The following OTOGL variants were observed in gnomAD, a reference collection of about 807,000 sequenced individuals.
OTOGL encodes otogelin like.
OTOGL carries 285 observed loss-of-function variants against 318.5 expected under a neutral mutation model. That is an observed-to-expected ratio of 0.89 (90% CI 0.81 to 0.99). The LOEUF (loss-of-function observed/expected upper bound fraction) is 0.99, where lower values mean the gene tolerates loss of function less well. Ranked by LOEUF, OTOGL falls within the 50% of genes least tolerant of loss-of-function variation. The probability of loss-of-function intolerance (pLI) is 0.00; values close to 1 mark genes in which losing one functional copy is unlikely to be tolerated. For synonymous variants in OTOGL, 987 were observed against 936.5 expected (o/e 1.05, Z -0.99); for missense variants, 2,899 against 2,845.6 (o/e 1.02, Z -0.43).
At chr12:80,315,726 T>C (rs1213417119) in intron 32 of OTOGL, among the ~76,000 whole-genome samples, 2 of 152,122 alleles carry the variant, frequency 1.3e-5, no homozygotes, top group Non-Finnish European at 2.9e-5. Context: ...AAAAAGAAAA[T>C]GGGCATTTTT....
intron 1 of OTOGL, among the ~76,000 whole-genome samples, chr12:80,148,709 G>T (rs915479669): frequency 3.3e-5 from 5 of 152,088 alleles, no homozygotes; most frequent in African/African-American, 7.2e-5. Context: ...TGTAGATTTG[G>T]TTTTTTCACA....
At chr12:80,367,493 G>T in intron 53 of OTOGL, 68 bp from the exon 54 acceptor site, 1 of 1,213,060 alleles carries the variant, frequency 8.2e-7, no homozygotes. Flanking sequence ...TCAAATATAA[G>T]TTCCAACGAT....
At chr12:80,226,464 A>G (rs1012470361) in intron 7 of OTOGL, among the ~76,000 whole-genome samples, 3 of 152,034 alleles carry the variant, frequency 2.0e-5, no homozygotes, top group Non-Finnish European at 4.4e-5. Flanking sequence ...AAACTCTTCA[A>G]TATGGTCAGA....
intron 1 of OTOGL, among the ~76,000 whole-genome samples, chr12:80,142,413 G>T (rs758130992): frequency 3.9e-5 from 6 of 152,254 alleles, no homozygotes; most frequent in Non-Finnish European, 5.9e-5. Flanking sequence ...GTTCTGAGTG[G>T]TGGGAAAGGA....
At chr12:80,242,870 C>T (rs1000381090) in intron 11 of OTOGL, among the ~76,000 whole-genome samples, 5 of 152,050 alleles carry the variant, frequency 3.3e-5, no homozygotes, top group Admixed American at 6.6e-5. Flanking sequence ...TACACAGGCT[C>T]CACGGAAGAG....
rs541087871 is a variant in OTOGL at position 80,302,557 on chromosome 12, G to A, written c.3064-77G>A. Reference sequence around the variant, plus strand: ...AGTACATAAATAGTTGTTGGTAAATGTTAACTAAACTAATTTGATATATTT... The same window carrying A: ...AGTACATAAATAGTTGTTGGTAAATATTAACTAAACTAATTTGATATATTT... On this transcript the variant is annotated intron_variant, in intron 27 of 58. Coordinates refer to ENST00000547103, the MANE Select transcript of OTOGL (RefSeq NM_001378609.3). The A allele has an allele frequency of 1.6e-5, 16 of 983,410 alleles. No individual in the cohort carries two copies. The African/African-American group carries it at 2.5e-4, about 16-fold the overall frequency. The allele number at this position is 983,410 out of a possible 1,614,324, so 60.9% of individuals were successfully genotyped here. A position where few individuals can be genotyped will look rare whatever the true frequency, so the allele number is the denominator to read the frequency against.
At chr12:80,351,463 G>A (rs1474029615) in intron 44 of OTOGL, among the ~76,000 whole-genome samples, 15 of 151,852 alleles carry the variant, frequency 9.9e-5, no homozygotes, top group African/African-American at 3.1e-4. Flanking sequence ...TTACAGGCAC[G>A]CGCCACCACA....
intron 27 of OTOGL, among the ~76,000 whole-genome samples, chr12:80,299,674 T>G (rs1885634154): frequency 6.6e-6 from 1 of 150,580 alleles, no homozygotes; most frequent in Non-Finnish European, 1.5e-5. Context: ...TTTTATCAAA[T>G]GTATAAGATA....
intron 39 of OTOGL, 21 bp downstream of exon 39, chr12:80,336,161 C>A: frequency 2.0e-6 from 3 of 1,513,484 alleles, no homozygotes; most frequent in East Asian, 2.3e-5. Flanking sequence ...ATTTCTTAAG[C>A]GGTGATCTTT....
At chr12:80,256,538 A>G in intron 17 of OTOGL, 78 bp downstream of exon 17, 1 of 1,355,216 alleles carries the variant, frequency 7.4e-7, no homozygotes, top group Admixed American at 2.4e-5. Flanking sequence ...CGCAAACAAA[A>G]TGGGATCTTT....
In OTOGL at chr12:80,313,645, C is replaced by T. The variant is rs899412575; in HGVS notation, c.3607+13C>T. The T allele has an allele frequency of 1.3e-6, 2 of 1,595,330 alleles. No individual in the cohort carries two copies. Among genetic ancestry groups the T allele is most frequent in the African/African-American group, 1.3e-5 (1 of 74,294 alleles). On this transcript the variant is annotated intron_variant, in intron 31 of 58. Transcript: ENST00000547103. ...TCTACTGTTTGTTGTAAGTACCCTA[C>T]TTAGAACATCATTATGTAGAGAACT...
At position 80,238,967 on chromosome 12, in the gene OTOGL, C is replaced by A. The variant is rs1227023970; in HGVS notation, c.934C>A (p.Pro312Thr). Residue 312 changes from proline to threonine, a missense_variant, in exon 10 of 59, where the codon CCA becomes ACA. Transcript: ENST00000547103. ...TCCAAATCCGTGCTCCAGTGGAATGCCAGCATTTGAGGTAAATTTGATGTG... is the reference window on the plus strand; with the variant it reads ...TCCAAATCCGTGCTCCAGTGGAATGACAGCATTTGAGGTAAATTTGATGTG... ...DFPNPCSSGM[P>T]AFEAIFFKCQ... 6.3e-7 allele frequency: 1 copy of A among 1,596,440 alleles called. No individual in the cohort carries two copies. Among genetic ancestry groups the A allele is most frequent in the Non-Finnish European group, 8.5e-7 (1 of 1,178,612 alleles).
intron 1 of OTOGL, among the ~76,000 whole-genome samples, chr12:80,120,429 A>G (rs527554173): frequency 6.6e-6 from 1 of 152,186 alleles, no homozygotes; most frequent in Non-Finnish European, 1.5e-5. Context: ...CTGTTGTTAT[A>G]TAATTAGCAA....
intron 1 of OTOGL, among the ~76,000 whole-genome samples, chr12:80,140,115 C>G (rs1871836902): frequency 6.6e-6 from 1 of 152,158 alleles, no homozygotes; most frequent in East Asian, 1.9e-4. Flanking sequence ...CCTTGCCTCT[C>G]CCCTTTACTT....
At chr12:80,321,286 T>G (rs1887315969) in intron 34 of OTOGL, among the ~76,000 whole-genome samples, 1 of 152,214 alleles carries the variant, frequency 6.6e-6, no homozygotes, top group Non-Finnish European at 1.5e-5. Flanking sequence ...AGTCATGCTT[T>G]CTTTTCAAAA....
At chr12:80,152,873 TAGTAGAGAC>T (rs1416323287) in intron 1 of OTOGL, among the ~76,000 whole-genome samples, 2 of 152,128 alleles carry the variant, frequency 1.3e-5, no homozygotes, top group African/African-American at 2.4e-5. Context: ...TTTGTATTTT[TAGTAGAGAC>T]AGGGTTTCAC....
At chr12:80,128,766 C>A (rs1265468689) in intron 1 of OTOGL, among the ~76,000 whole-genome samples, 1 of 152,200 alleles carries the variant, frequency 6.6e-6, no homozygotes, top group South Asian at 2.1e-4. Flanking sequence ...AGCCTCGCTG[C>A]CGCCTTGCCG....
intron 1 of OTOGL, among the ~76,000 whole-genome samples, chr12:80,129,784 A>C (rs1301150474): frequency 6.6e-6 from 1 of 152,164 alleles, no homozygotes; most frequent in African/African-American, 2.4e-5. Flanking sequence ...AAATCTAAAA[A>C]CTTTTTTTTA....
At chr12:80,348,784 T>C (rs1384927503) in intron 44 of OTOGL, among the ~76,000 whole-genome samples, 1 of 152,178 alleles carries the variant, frequency 6.6e-6, no homozygotes, top group Non-Finnish European at 1.5e-5. Flanking sequence ...TATTACAAGC[T>C]CTCTTAATAT....
Sources: gnomAD v4.1 joint callset for allele counts (sites outside exome capture counted in the v4.1 genomes callset) on GRCh38, gnomAD v4.1.1 for gene constraint, MANE v1.5 for transcripts, NCBI Gene and HGNC (gene_info 2026-07-23, HGNC 2026-07-21) for gene names.